The following NECTIN3 variants were observed in gnomAD, a reference collection of about 807,000 sequenced individuals.
NECTIN3 encodes the protein nectin-3.
NECTIN3 carries 8 observed loss-of-function variants against 49.4 expected under a neutral mutation model. That is an observed-to-expected ratio of 0.16 (90% confidence interval 0.10 to 0.29). The LOEUF (loss-of-function observed/expected upper bound fraction) is 0.29. Ranked by LOEUF, NECTIN3 falls within the 10% of genes least tolerant of loss-of-function variation. The pLI, the probability that NECTIN3 is intolerant of heterozygous loss-of-function variation, is 1.00. For synonymous variants in NECTIN3, 277 were observed against 241.1 expected, an observed-to-expected ratio of 1.15 and a Z score of -1.38; for missense variants, 581 against 654.6, an observed-to-expected ratio of 0.89 and a Z score of 1.23.
In NECTIN3 at chr3:111,161,424, G is replaced by T. The variant is rs79276981; in HGVS notation, c.1221+13940G>T. ...TCATGAATATATTTCACACAGAATT[G>T]GTAAAGGGAAGGTTCTCAAGACCTT... On this transcript the variant is annotated intron_variant, in intron 7 of 8. Coordinates refer to the NECTIN3 transcript ENST00000493615. Among the ~76,000 whole-genome samples the T allele has an allele frequency of 7.4e-3, 1,130 of 152,208 alleles. 19 individuals are homozygous for T. The highest frequency in any genetic ancestry group is 0.026 in the African/African-American group (1,061 of 41,510).
rs72936001 is a variant in NECTIN3, at chr3:111,095,272, C to A, written c.161-16758C>A. 7.5e-3 allele frequency among the ~76,000 whole-genome samples: 1,143 copies of A among 152,048 alleles called. 28 individuals carry two copies. Among genetic ancestry groups the A allele is most frequent in the African/African-American group, 0.026 (1,077 of 41,476 alleles). On this transcript the variant is annotated intron_variant, in intron 1 of 5. Transcript: ENST00000485303. ...TCTTGGAGTCACTGAAAAAAAGGAA[C>A]CTAAATTTGCTTTTCAGAAAAGGTT... is the stretch of plus-strand genomic sequence containing the variant.
At chr3:111,166,068 C>G (rs892533536) in intron 7 of NECTIN3, among the ~76,000 whole-genome samples, 19 of 152,206 alleles carry the variant, frequency 1.2e-4, no homozygotes, top group Admixed American at 1.2e-3. Flanking sequence ...TGCTACATGC[C>G]CGAGGTCTGC....
chr3:111,139,601 G>A (rs1005966607), downstream of NECTIN3, among the ~76,000 whole-genome samples: 25 of 151,820 alleles, frequency 1.6e-4, no homozygotes, highest in Admixed American at 1.5e-3. Context: ...TTTGGTGCTC[G>A]ATGCCTAGAT....
Position 111,118,692 on chromosome 3 carries a change from CTTT to C in NECTIN3, c.540_542del (p.Leu181del). 1.2e-6 allele frequency: 2 copies of C among 1,611,478 alleles called. No individual in the cohort carries two copies. The highest frequency in any genetic ancestry group is 1.7e-6 in the Non-Finnish European group (2 of 1,178,586). ...GTGAGCCTGATAAAAGGGCCAGATT[CTTT>C]AATTGATGGAGGAAATGAAACAGTA... On this transcript the variant is annotated inframe_deletion, in exon 3 of 6. Transcript: ENST00000485303.
At chr3:111,187,492 G>A (rs1259721898), upstream of NECTIN3, among the ~76,000 whole-genome samples, 2 of 152,110 alleles carry the variant, frequency 1.3e-5, no homozygotes, top group African/African-American at 4.8e-5. Context: ...GAAAACTTAT[G>A]TTCATACAAA....
At chr3:111,154,935 T>C (rs2107515448) in intron 7 of NECTIN3, among the ~76,000 whole-genome samples, 1 of 152,292 alleles carries the variant, frequency 6.6e-6, no homozygotes, top group Non-Finnish European at 1.5e-5. Context: ...CTTGTCATTC[T>C]CTTTAACAGT....
chr3:111,173,927 G>A (rs1169654271), intron 7 of NECTIN3, among the ~76,000 whole-genome samples: 1 of 151,914 alleles, frequency 6.6e-6, no homozygotes, highest in Non-Finnish European at 1.5e-5. Flanking sequence ...ATTCCCCTGG[G>A]CTTTGAGAAC....
exon 7 of NECTIN3, chr3:111,147,450 G>C (rs1231336812): frequency 6.5e-7 from 1 of 1,532,296 alleles, no homozygotes; most frequent in South Asian, 1.2e-5. Context: ...TATGAAGAAC[G>C]ATCCCCACCT....
chr3:111,191,674 AC>A (rs2035815947), upstream of NECTIN3, among the ~76,000 whole-genome samples: 1 of 152,170 alleles, frequency 6.6e-6, no homozygotes, highest in African/African-American at 2.4e-5. Context: ...ATGTATAAAG[AC>A]AAAAAATAAT....
chr3:111,147,505 T>C, intron 7 of NECTIN3: 1 of 1,453,636 alleles, frequency 6.9e-7, no homozygotes, highest in Non-Finnish European at 9.3e-7. Flanking sequence ...ATGAGTACAC[T>C]TAAGATAATG....
At chr3:111,141,627 G>C (rs1304559276), downstream of NECTIN3, among the ~76,000 whole-genome samples, 1 of 151,744 alleles carries the variant, frequency 6.6e-6, no homozygotes, top group African/African-American at 2.4e-5. Context: ...GTATACTCTT[G>C]TTGTGTTGGA....
At chr3:111,075,437 T>C (rs1192112643) in intron 1 of NECTIN3, among the ~76,000 whole-genome samples, 1 of 152,100 alleles carries the variant, frequency 6.6e-6, no homozygotes, top group African/African-American at 2.4e-5. Context: ...TATAAAGAGA[T>C]AACATTACTA....
intron 1 of NECTIN3, among the ~76,000 whole-genome samples, chr3:111,106,617 G>T (rs2033193719): frequency 6.6e-6 from 1 of 152,188 alleles, no homozygotes; most frequent in East Asian, 1.9e-4. Flanking sequence ...ATTACTGAAT[G>T]TGCTGGTGAT....
At position 111,122,205 on chromosome 3, in the gene NECTIN3, C is replaced by G. The variant is rs1236432429; in HGVS notation, c.884C>G (p.Ala295Gly). The part of the protein sequence containing the change: ...KGVNLKCNAD[A>G]NPPPFKSVWS... ...GTTAATCTCAAATGTAATGCTGATG[C>G]AAATCCACCACCCTTCAAATCTGTG... The change falls in exon 4 of 6, where the codon GCA (alanine) becomes GGA (glycine). Residue 295 changes from alanine to glycine, a missense_variant. Coordinates refer to ENST00000485303, the MANE Select transcript of NECTIN3 (RefSeq NM_015480.3). 5.0e-6 allele frequency: 8 copies of G among 1,612,390 alleles called. No homozygotes were observed. In the South Asian group the frequency reaches 6.6e-5, roughly 13 times the overall value.
chr3:111,079,760 G>A (rs1184876037), intron 1 of NECTIN3, among the ~76,000 whole-genome samples: 2 of 151,626 alleles, frequency 1.3e-5, no homozygotes, highest in African/African-American at 4.8e-5. Flanking sequence ...TTTAAAGGAA[G>A]TAAAAAATTA....
downstream of NECTIN3, chr3:111,137,642 A>C (rs894394399): frequency 7.1e-6 from 2 of 280,244 alleles, no homozygotes; most frequent in African/African-American, 4.7e-5. Context: ...TGCGTGTGTA[A>C]CCTAGTTTAT....
chr3:111,152,122 A>C (rs2035012090), intron 7 of NECTIN3, among the ~76,000 whole-genome samples: 1 of 151,948 alleles, frequency 6.6e-6, no homozygotes, highest in African/African-American at 2.4e-5. Flanking sequence ...TCTACGTAGT[A>C]TTGTAATGCG....
intron 1 of NECTIN3, among the ~76,000 whole-genome samples, chr3:111,102,607 C>T (rs1025004854): frequency 4.6e-4 from 70 of 152,284 alleles, no homozygotes; most frequent in Middle Eastern, 3.4e-3. Flanking sequence ...TCTTTTTATT[C>T]TCTTTATAGT....
intron 7 of NECTIN3, among the ~76,000 whole-genome samples, chr3:111,164,202 C>A (rs1423031037): frequency 6.6e-6 from 1 of 151,862 alleles, no homozygotes; most frequent in East Asian, 1.9e-4. Context: ...ACCTTGTATC[C>A]ATTTGTCATC....
Sources: allele counts gnomAD v4.1 joint callset (sites outside exome capture counted in the v4.1 genomes callset), GRCh38; gene constraint gnomAD v4.1.1; transcripts MANE v1.5; gene names NCBI Gene and HGNC (gene_info 2026-07-23, HGNC 2026-07-21).